DZIP3: variants seen among roughly 807,000 people sequenced by gnomAD.
The protein encoded by DZIP3 is DAZ interacting zinc finger protein 3.
Under a neutral mutation model 162.0 loss-of-function variants are expected in DZIP3, and 118 were observed. The ratio of observed to expected loss-of-function variants is 0.73; its 90% confidence interval spans 0.63 to 0.85. The LOEUF (loss-of-function observed/expected upper bound fraction) is 0.85. Among genes scored for constraint, DZIP3 ranks in the 40% least tolerant of loss-of-function variants. The pLI, the probability that DZIP3 is intolerant of heterozygous loss-of-function variation, is 0.00. For missense variants in DZIP3, 1,331 were observed against 1,407.0 expected, an observed-to-expected ratio of 0.95 and a Z score of 0.86; for synonymous variants, 438 against 458.6, an observed-to-expected ratio of 0.96 and a Z score of 0.57.
intron 7 of DZIP3, 65 bp downstream of exon 7, chr3:108,626,034 G>C: frequency 6.4e-7 from 1 of 1,551,220 alleles, no homozygotes; most frequent in Non-Finnish European, 8.8e-7. Flanking sequence ...ATGGAAGTAA[G>C]TGTGCACAGT....
intron 18 of DZIP3, among the ~76,000 whole-genome samples, chr3:108,653,018 C>T (rs112397871): frequency 0.015 from 2,309 of 151,906 alleles, 74 homozygotes; most frequent in African/African-American, 0.052. Context: ...TAGGAATAAT[C>T]TTGGTGAACT....
intron 9 of DZIP3, 79 bp downstream of exon 9, chr3:108,633,151 AT>A: frequency 6.3e-6 from 4 of 636,774 alleles, no homozygotes; most frequent in Non-Finnish European, 8.4e-6. Flanking sequence ...AATAAAAATT[AT>A]ATTATGTATA....
intron 15 of DZIP3, among the ~76,000 whole-genome samples, chr3:108,647,160 G>A (rs1942660563): frequency 6.6e-6 from 1 of 152,180 alleles, no homozygotes; most frequent in Non-Finnish European, 1.5e-5. Flanking sequence ...CAAGGATGAT[G>A]TTCTAACGTT....
intron 18 of DZIP3, among the ~76,000 whole-genome samples, chr3:108,653,393 G>A (rs1196505294): frequency 2.6e-5 from 4 of 151,116 alleles, no homozygotes; most frequent in Non-Finnish European, 5.9e-5. Context: ...CATTCAAGGA[G>A]ATTAGGAAGG....
chr3:108,648,772 A>G, intron 16 of DZIP3, 146 bp from the exon 17 acceptor site: 1 of 374,428 alleles, frequency 2.7e-6, no homozygotes, highest in Non-Finnish European at 4.5e-6. Flanking sequence ...ATAAAAACAA[A>G]AATAATTGTT....
chr3:108,690,157 A>AT (rs1188774111), intron 31 of DZIP3, among the ~76,000 whole-genome samples: 2 of 152,174 alleles, frequency 1.3e-5, no homozygotes, highest in East Asian at 1.9e-4. Context: ...CATTCAGGTC[A>AT]TTTTTTATGA....
intron 4 of DZIP3, among the ~76,000 whole-genome samples, chr3:108,613,206 A>G (rs1198523738): frequency 1.3e-5 from 2 of 152,196 alleles, no homozygotes; most frequent in Non-Finnish European, 2.9e-5. Flanking sequence ...TCAATTTTCT[A>G]TAAATTAAAA....
At position 108,625,862 on chromosome 3, in the gene DZIP3, G is replaced by A; in HGVS notation, c.474G>A (p.Glu158=). ...TACTACAGGATTATACAGAAGCTGA[G>A]AATAAATTTCTGGTGATGAAGATGA... is the stretch of plus-strand genomic sequence containing the variant. The part of the protein sequence containing the change: ...RGKKEDYTEA[E]NKFLVMKMMI... The change falls in exon 7 of 33, where the codon GAG becomes GAA. Residue 158 remains glutamate, a synonymous_variant. Coordinates refer to ENST00000361582, the MANE Select transcript of DZIP3 (RefSeq NM_014648.4). 8 of 1,612,370 alleles carry A rather than the reference G, an allele frequency of 5.0e-6. No homozygotes were observed. Among genetic ancestry groups the A allele is most frequent in the Non-Finnish European group, 6.8e-6 (8 of 1,179,254 alleles).
At position 108,644,450 on chromosome 3, in the gene DZIP3, T is replaced by C. The variant is rs746290190; in HGVS notation, c.1428T>C (p.His476=). 1 of 1,614,040 alleles carries C rather than the reference T, an allele frequency of 6.2e-7. No individual in the cohort carries two copies. The highest frequency in any genetic ancestry group is 8.5e-7 in the Non-Finnish European group (1 of 1,179,968). ...GCCTCCTGTTAGCTCTTATAAAACA[T>C]TTAAATGTGTTCCCTGCACCCAAAA... ...DLCLLLALIK[H]LNVFPAPKKG... is the part of the protein sequence containing the mutation. Residue 476 remains histidine (H), a synonymous_variant, in exon 14 of 33, where the codon CAT becomes CAC. Transcript: ENST00000361582.
chr3:108,606,799 T>TA (rs1268585364), intron 2 of DZIP3, among the ~76,000 whole-genome samples: 2 of 152,136 alleles, frequency 1.3e-5, no homozygotes, highest in Non-Finnish European at 2.9e-5. Flanking sequence ...CTATAGAAAA[T>TA]ATAGCAGCCC....
chr3:108,611,414 G>A, intron 4 of DZIP3, 85 bp downstream of exon 4: 1 of 1,494,194 alleles, frequency 6.7e-7, no homozygotes, highest in Non-Finnish European at 9.0e-7. Flanking sequence ...AAACCACACA[G>A]TATAGCCAAG....
chr3:108,641,515 C>T (rs985594861), intron 12 of DZIP3, among the ~76,000 whole-genome samples: 11 of 152,096 alleles, frequency 7.2e-5, no homozygotes, highest in South Asian at 2.1e-4. Context: ...TTGTACATGT[C>T]GCTAGGTCAA....
chr3:108,639,655 TA>T (rs1260990871), intron 12 of DZIP3, among the ~76,000 whole-genome samples: 2 of 151,888 alleles, frequency 1.3e-5, no homozygotes, highest in Non-Finnish European at 2.9e-5. Flanking sequence ...TTCTCATTCC[TA>T]ATGTTGGCAA....
At position 108,690,705 on chromosome 3, in the gene DZIP3, T is replaced by TGCA. The variant is rs1225767618; in HGVS notation, c.3517-82_3517-81insGCA. 7 of 1,243,210 alleles carry TGCA rather than the reference T, an allele frequency of 5.6e-6. No homozygotes were observed. The African/African-American group carries it at 1.0e-4, about 19-fold the overall frequency. 77.0% of individuals were successfully genotyped at this position (1,243,210 alleles called of 1,614,324 possible). A position where few individuals can be genotyped will look rare whatever the true frequency, so the allele number is the denominator to read the frequency against. The stretch of plus-strand genomic sequence containing the variant: ...AAAGATCCACCAGAAGACATGTTGG[T>TGCA]TGGTAACCCTGATGCATAGAGTGAC... On this transcript the variant is annotated intron_variant, in intron 31 of 32. Transcript: ENST00000361582.
chr3:108,667,265 A>C (rs1017413009), intron 21 of DZIP3, among the ~76,000 whole-genome samples: 2 of 152,186 alleles, frequency 1.3e-5, no homozygotes, highest in East Asian at 3.9e-4. Context: ...ACAAACCTCT[A>C]GCAAGACTGA....
At position 108,625,940 on chromosome 3, in the gene DZIP3, A is replaced by G; in HGVS notation, c.552A>G (p.Gly184=). The change falls in exon 7 of 33, where the codon GGA becomes GGG. Residue 184 remains glycine (G), a synonymous_variant. Transcript: ENST00000361582. ...CENFMSLVYF[G]RGLLRCAQKR... ...ACTTTATGTCTTTAGTTTATTTTGG[A>G]CGTGGTTTACTGCGATGTGCTCAAA... 6.2e-7 allele frequency: 1 copy of G among 1,613,502 alleles called. No homozygotes were observed. Among genetic ancestry groups the G allele is most frequent in the Non-Finnish European group, 8.5e-7 (1 of 1,179,806 alleles).
intron 18 of DZIP3, among the ~76,000 whole-genome samples, chr3:108,653,209 A>G (rs1426908131): frequency 6.6e-6 from 1 of 151,860 alleles, no homozygotes; most frequent in African/African-American, 2.4e-5. Context: ...ATACCTCAGT[A>G]ATACCTAATT....
chr3:108,605,475 A>T, intron 2 of DZIP3, 37 bp downstream of exon 2: 1 of 1,606,940 alleles, frequency 6.2e-7, no homozygotes, highest in East Asian at 2.2e-5. Context: ...GGCACCATGG[A>T]CTGGTTTCGT....
At chr3:108,618,816 A>C (rs1941159599) in intron 5 of DZIP3, among the ~76,000 whole-genome samples, 1 of 152,070 alleles carries the variant, frequency 6.6e-6, no homozygotes, top group Admixed American at 6.5e-5. Flanking sequence ...TAATCCCAGC[A>C]CTTTGGGAGG....
Sources: allele counts gnomAD v4.1 joint callset (sites outside exome capture counted in the v4.1 genomes callset), GRCh38; gene constraint gnomAD v4.1.1; transcripts MANE v1.5; gene names NCBI Gene and HGNC (gene_info 2026-07-23, HGNC 2026-07-21).